KCNK2: variants seen among roughly 807,000 people sequenced by gnomAD.
The protein encoded by KCNK2 is potassium channel subfamily K member 2.
A neutral mutation model predicts 40.5 loss-of-function variants in KCNK2; 21 were observed. The ratio of observed to expected loss-of-function variants is 0.52; its 90% CI spans 0.37 to 0.75. The LOEUF (loss-of-function observed/expected upper bound fraction) is 0.75. Among genes scored for constraint, KCNK2 ranks in the 30% least tolerant of loss-of-function variants. The probability of loss-of-function intolerance (pLI) is 0.00; values close to 1 mark genes in which losing one functional copy is unlikely to be tolerated. For missense variants in KCNK2, 399 were observed against 531.6 expected, an observed-to-expected ratio of 0.75 and a Z score of 2.45; for synonymous variants, 191 against 202.2, an observed-to-expected ratio of 0.94 and a Z score of 0.47.
intron 2 of KCNK2, among the ~76,000 whole-genome samples, chr1:215,116,758 T>C (rs1390390070): frequency 6.6e-6 from 1 of 152,096 alleles, no homozygotes; most frequent in African/African-American, 2.4e-5. Context: ...TTAAATTTTA[T>C]TTTTATAAAG....
intron 2 of KCNK2, among the ~76,000 whole-genome samples, chr1:215,105,005 A>G (rs1320345690): frequency 6.6e-6 from 1 of 152,020 alleles, no homozygotes; most frequent in South Asian, 2.1e-4. Flanking sequence ...CTTTTTATGG[A>G]TGTACCATCT....
intron 6 of KCNK2, among the ~76,000 whole-genome samples, chr1:215,198,935 A>G (rs1664973590): frequency 6.6e-6 from 1 of 152,200 alleles, no homozygotes; most frequent in Non-Finnish European, 1.5e-5. Context: ...TCAAAAACAA[A>G]TCTGCTTAAA....
chr1:215,234,578 G>C (rs2102717549), intron 6 of KCNK2, among the ~76,000 whole-genome samples: 1 of 152,164 alleles, frequency 6.6e-6, no homozygotes, highest in African/African-American at 2.4e-5. Flanking sequence ...AGCACATGTA[G>C]AGCCCCTGAA....
chr1:215,037,972 G>A (rs899916836), intron 1 of KCNK2, among the ~76,000 whole-genome samples: 7 of 151,720 alleles, frequency 4.6e-5, no homozygotes, highest in Non-Finnish European at 2.9e-5. Flanking sequence ...ACCTTAGGTG[G>A]TAGAAGGCAG....
intron 6 of KCNK2, among the ~76,000 whole-genome samples, chr1:215,225,872 C>A (rs1337123827): frequency 1.3e-5 from 2 of 152,098 alleles, no homozygotes; most frequent in African/African-American, 4.8e-5. Context: ...TGGTCCTTAC[C>A]TTCAAAAAAT....
intron 5 of KCNK2, among the ~76,000 whole-genome samples, chr1:215,175,638 T>C (rs1048681474): frequency 6.6e-6 from 1 of 152,086 alleles, no homozygotes; most frequent in African/African-American, 2.4e-5. Flanking sequence ...TTTTCAACCC[T>C]TGCCCCCTTC....
At position 215,111,969 on chromosome 1, in the gene KCNK2, C is replaced by T. The variant is rs564722407; in HGVS notation, c.358-12664C>T. Among the ~76,000 whole-genome samples, 94 of 125,218 alleles carry T rather than the reference C, an allele frequency of 7.5e-4. 3 individuals are homozygous for T. The highest frequency in any genetic ancestry group is 3.5e-3 in the African/African-American group (86 of 24,510). 82.1% of individuals were successfully genotyped at this position (125,218 alleles called of 152,430 possible). ...TTTTTATAGTTGTGCGTTCTCTGGA[C>T]TTGTGCCTGTAAGTTACCAAGTACA... On this transcript the variant is annotated intron_variant, in intron 2 of 6. Transcript: ENST00000444842.
intron 1 of KCNK2, among the ~76,000 whole-genome samples, chr1:215,010,295 C>T (rs548093458): frequency 2.0e-5 from 3 of 152,150 alleles, no homozygotes; most frequent in Non-Finnish European, 4.4e-5. Context: ...TTGCAATATT[C>T]TTTTAGTTCA....
chr1:215,112,479 A>C (rs1319740219), intron 2 of KCNK2, among the ~76,000 whole-genome samples: 1 of 152,194 alleles, frequency 6.6e-6, no homozygotes, highest in Non-Finnish European at 1.5e-5. Context: ...CAGTTTATAA[A>C]GTGAAAAATT....
At chr1:215,059,053 A>ATG (rs1349989370) in intron 1 of KCNK2, among the ~76,000 whole-genome samples, 1 of 141,080 alleles carries the variant, frequency 7.1e-6, no homozygotes, top group Admixed American at 7.4e-5. Context: ...GCACATATAC[A>ATG]TGTGTATATA....
chr1:215,200,018 G>A (rs912158289), intron 6 of KCNK2, among the ~76,000 whole-genome samples: 2 of 152,200 alleles, frequency 1.3e-5, no homozygotes, highest in Non-Finnish European at 2.9e-5. Flanking sequence ...TAGCATGCTA[G>A]TGTTGTCAGG....
chr1:215,162,945 T>C (rs1278917963), intron 3 of KCNK2, among the ~76,000 whole-genome samples: 1 of 152,054 alleles, frequency 6.6e-6, no homozygotes, highest in South Asian at 2.1e-4. Flanking sequence ...TTTAAAATAG[T>C]TTTTTCTAAT....
intron 1 of KCNK2, among the ~76,000 whole-genome samples, chr1:215,027,519 TACTA>T: frequency 6.6e-6 from 1 of 152,340 alleles, no homozygotes; most frequent in East Asian, 1.9e-4. Context: ...TTTGCTGAAA[TACTA>T]AATTATGTGG....
intron 5 of KCNK2, among the ~76,000 whole-genome samples, chr1:215,182,484 G>A (rs1664264132): frequency 1.3e-5 from 2 of 152,118 alleles, no homozygotes; most frequent in Admixed American, 1.3e-4. Flanking sequence ...AGCATCCTGG[G>A]CACTCAGTAA....
intron 2 of KCNK2, among the ~76,000 whole-genome samples, chr1:215,101,058 C>T (rs1315632022): frequency 6.6e-6 from 1 of 151,984 alleles, no homozygotes; most frequent in African/African-American, 2.4e-5. Context: ...ATGATCTACA[C>T]ATCTAAAGCA....
intron 1 of KCNK2, among the ~76,000 whole-genome samples, chr1:215,014,418 C>G (rs975658406): frequency 6.6e-6 from 1 of 151,236 alleles, no homozygotes; most frequent in African/African-American, 2.4e-5. Context: ...GTATTGATGG[C>G]CTCAAAAATG....
intron 1 of KCNK2, among the ~76,000 whole-genome samples, chr1:215,007,184 G>GTGT (rs1656201261): frequency 3.1e-4 from 5 of 16,218 alleles, no homozygotes; most frequent in African/African-American, 6.9e-4. Flanking sequence ...TATGTGTGTG[G>GTGT]GTATATATAT....
upstream of KCNK2, chr1:215,005,850 G>A: frequency 7.0e-7 from 1 of 1,423,728 alleles, no homozygotes; most frequent in South Asian, 1.1e-5. Flanking sequence ...GGAAATTACG[G>A]ACAAGAAACC....
At chr1:215,189,711 A>G (rs1266306475) in intron 5 of KCNK2, among the ~76,000 whole-genome samples, 4 of 152,190 alleles carry the variant, frequency 2.6e-5, no homozygotes, top group Non-Finnish European at 5.9e-5. Context: ...CATTTGTTAT[A>G]AAGAAAATAG....
Sources: gnomAD v4.1 joint callset for allele counts (sites outside exome capture counted in the v4.1 genomes callset) on GRCh38, gnomAD v4.1.1 for gene constraint, MANE v1.5 for transcripts, NCBI Gene and HGNC (gene_info 2026-07-23, HGNC 2026-07-21) for gene names.